TBC1D1: variants seen among roughly 807,000 people sequenced by gnomAD.
TBC1D1 encodes the protein TBC1 domain family member 1, also known as TBC1 (tre-2/USP6, BUB2, cdc16) domain family, member 1.
Under a neutral mutation model 125.6 loss-of-function variants are expected in TBC1D1, and 89 were observed. The observed-to-expected ratio is 0.71, with a 90% CI of 0.60 to 0.85. The LOEUF (loss-of-function observed/expected upper bound fraction) is 0.85, where lower values mean the gene tolerates loss of function less well. TBC1D1 is among the 40% of genes least tolerant of loss of function. The pLI is 0.00. For missense variants in TBC1D1, 1,377 were observed against 1,469.2 expected, an observed-to-expected ratio of 0.94 and a Z score of 1.03; for synonymous variants, 565 against 564.1, an observed-to-expected ratio of 1.00 and a Z score of -0.02.
At chr4:38,032,826 G>A (rs1225557295) in intron 7 of TBC1D1, among the ~76,000 whole-genome samples, 1 of 140,968 alleles carries the variant, frequency 7.1e-6, no homozygotes, top group Non-Finnish European at 1.5e-5. Context: ...GGGTGAAAGA[G>A]CAAGACTCCA....
intron 2 of TBC1D1, among the ~76,000 whole-genome samples, chr4:37,933,727 TA>T (rs1481252485): frequency 6.6e-6 from 1 of 152,174 alleles, no homozygotes; most frequent in Non-Finnish European, 1.5e-5. Flanking sequence ...TGAAAAAAGA[TA>T]GATATGATTC....
Position 38,052,728 on chromosome 4 carries a change from GCACACACACACACACA to G in TBC1D1, c.1911-1450_1911-1435del, listed in dbSNP as rs56153191. On this transcript the variant is annotated intron_variant, in intron 11 of 19. Transcript: ENST00000261439. ...TACACACACACGCGCGCGCGCGCGC[GCACACACACACACACA>G]CACACACACACACACACACAGGATA... 5.9e-5 allele frequency among the ~76,000 whole-genome samples: 7 copies of G among 118,344 alleles called. No homozygotes were observed. In the South Asian group the frequency reaches 8.5e-4, roughly 14 times the overall value. The allele number at this position is 118,344 out of a possible 152,430, so 77.6% of individuals were successfully genotyped here. A position where few individuals can be genotyped will look rare whatever the true frequency, so the allele number is the denominator to read the frequency against.
At chr4:38,077,630 ATTTTTTT>A (rs33926889) in intron 12 of TBC1D1, among the ~76,000 whole-genome samples, 1 of 125,322 alleles carries the variant, frequency 8.0e-6, no homozygotes, top group Admixed American at 7.9e-5. Flanking sequence ...CAAAACCTTA[ATTTTTTT>A]TTTTTTTTTT....
At chr4:37,900,629 G>GGAGCTGGATACAGGAGAGACT (rs1404751037) in intron 1 of TBC1D1, among the ~76,000 whole-genome samples, 2 of 152,046 alleles carry the variant, frequency 1.3e-5, no homozygotes, top group Non-Finnish European at 2.9e-5. Flanking sequence ...GCAGGGGCAG[G>GGAGCTGGATACAGGAGAGACT]GAGCTGGATA....
intron 15 of TBC1D1, chr4:38,110,336 G>A (rs1353460185): frequency 2.0e-6 from 2 of 982,812 alleles, no homozygotes; most frequent in Middle Eastern, 5.2e-4. Context: ...TTGAGTTTCT[G>A]ATGCCTGGGA....
At chr4:38,131,712 C>T (rs1489676105) in intron 18 of TBC1D1, among the ~76,000 whole-genome samples, 1 of 152,200 alleles carries the variant, frequency 6.6e-6, no homozygotes, top group Non-Finnish European at 1.5e-5. Flanking sequence ...AGCCTCTGAG[C>T]CAGTTACCTC....
At chr4:37,955,913 G>A (rs1404418865) in intron 2 of TBC1D1, among the ~76,000 whole-genome samples, 1 of 152,116 alleles carries the variant, frequency 6.6e-6, no homozygotes, top group Non-Finnish European at 1.5e-5. Flanking sequence ...AAGGTGGGAG[G>A]ATTGCTTGAG....
chr4:38,001,221 A>AAAAAAG (rs1264277736), intron 2 of TBC1D1, among the ~76,000 whole-genome samples: 22 of 132,560 alleles, frequency 1.7e-4, no homozygotes, highest in African/African-American at 5.5e-4. Context: ...CTCCGTCTCA[A>AAAAAAG]AAAAAGAAAG....
chr4:37,980,753 A>G (rs1357038839), intron 2 of TBC1D1, among the ~76,000 whole-genome samples: 1 of 152,170 alleles, frequency 6.6e-6, no homozygotes, highest in Non-Finnish European at 1.5e-5. Context: ...TGTGTATTTA[A>G]TGTATTAATT....
chr4:37,954,658 C>G (rs773259953), intron 2 of TBC1D1, among the ~76,000 whole-genome samples: 1 of 151,932 alleles, frequency 6.6e-6, no homozygotes, highest in Non-Finnish European at 1.5e-5. Flanking sequence ...TGATGAGGAC[C>G]GGCCTAGGAT....
chr4:38,020,183 T>C (rs1035169902), intron 4 of TBC1D1, among the ~76,000 whole-genome samples: 10 of 152,196 alleles, frequency 6.6e-5, no homozygotes, highest in African/African-American at 2.2e-4. Flanking sequence ...TTTCCTAGTG[T>C]TTTTTAAAAT....
chr4:37,965,975 G>A (rs1730984267), intron 2 of TBC1D1, among the ~76,000 whole-genome samples: 1 of 152,090 alleles, frequency 6.6e-6, no homozygotes, highest in Non-Finnish European at 1.5e-5. Context: ...TTGAACTCCT[G>A]ACCTCGAGTG....
At chr4:38,040,525 G>C (rs1748157191) in intron 8 of TBC1D1, among the ~76,000 whole-genome samples, 2 of 152,186 alleles carry the variant, frequency 1.3e-5, no homozygotes, top group Non-Finnish European at 2.9e-5. Context: ...TTGTCCTCGT[G>C]ATCCGCCTGC....
At chr4:37,991,131 AACCTCT>A (rs1471210549) in intron 2 of TBC1D1, among the ~76,000 whole-genome samples, 3 of 152,310 alleles carry the variant, frequency 2.0e-5, no homozygotes, top group Admixed American at 1.3e-4. Flanking sequence ...GGGAACTGTA[AACCTCT>A]GAGTAGCCCC....
chr4:38,087,221 C>G (rs1757635963), intron 12 of TBC1D1, among the ~76,000 whole-genome samples: 1 of 152,110 alleles, frequency 6.6e-6, no homozygotes, highest in Non-Finnish European at 1.5e-5. Flanking sequence ...GTTGTCGTCC[C>G]CAAACAATAC....
intron 12 of TBC1D1, among the ~76,000 whole-genome samples, chr4:38,057,080 C>T (rs1267257712): frequency 1.3e-5 from 2 of 152,242 alleles, no homozygotes; most frequent in South Asian, 2.1e-4. Flanking sequence ...TCATCAGACC[C>T]CAAACAAGTC....
intron 2 of TBC1D1, among the ~76,000 whole-genome samples, chr4:37,994,810 T>C (rs1737420039): frequency 6.6e-6 from 1 of 152,222 alleles, no homozygotes; most frequent in African/African-American, 2.4e-5. Context: ...TTGTTCCTTT[T>C]CATTCTTTTG....
intron 6 of TBC1D1, among the ~76,000 whole-genome samples, chr4:38,022,936 T>G (rs963876959): frequency 6.6e-5 from 10 of 152,218 alleles, no homozygotes; most frequent in Non-Finnish European, 1.5e-4. Context: ...TTCTCATGTT[T>G]GTAGAATGTT....
chr4:38,045,100 G>A (rs1303485880), intron 9 of TBC1D1, among the ~76,000 whole-genome samples: 2 of 152,130 alleles, frequency 1.3e-5, no homozygotes, highest in Admixed American at 1.3e-4. Context: ...TAGCTCTATA[G>A]AAAGAACAAA....
Sources: gnomAD v4.1 joint callset for allele counts (sites outside exome capture counted in the v4.1 genomes callset) on GRCh38, gnomAD v4.1.1 for gene constraint, MANE v1.5 for transcripts, NCBI Gene and HGNC (gene_info 2026-07-23, HGNC 2026-07-21) for gene names.